MRPS27: variants seen among roughly 807,000 people sequenced by gnomAD.
MRPS27 encodes the protein mitochondrial ribosomal protein S27, also known as small ribosomal subunit protein mS27.
In MRPS27, 43 loss-of-function variants were observed where a neutral mutation model predicts 48.9. The observed-to-expected ratio is 0.88, with a 90% CI of 0.69 to 1.13. The LOEUF is 1.13. Ranked by LOEUF, MRPS27 falls within the 50% of genes most tolerant of loss-of-function variation. The pLI, the probability that MRPS27 is intolerant of heterozygous loss-of-function variation, is 0.00. For missense variants in MRPS27, 467 were observed against 476.3 expected, an observed-to-expected ratio of 0.98 and a Z score of 0.18; for synonymous variants, 188 against 171.9, an observed-to-expected ratio of 1.09 and a Z score of -0.73.
chr5:72,278,071 C>T (rs1580092265), intron 4 of MRPS27, among the ~76,000 whole-genome samples: 1 of 152,222 alleles, frequency 6.6e-6, no homozygotes, highest in African/African-American at 2.4e-5. Flanking sequence ...CACATGTATC[C>T]TGAAACTTAA....
chr5:72,314,293 C>A (rs1383504778), intron 1 of MRPS27, 135 bp from the exon 2 acceptor site: 6 of 522,102 alleles, frequency 1.1e-5, no homozygotes, highest in South Asian at 4.2e-5. Context: ...AGTACAGCAA[C>A]CAATATCGCA....
intron 4 of MRPS27, among the ~76,000 whole-genome samples, chr5:72,273,006 G>A (rs1197544920): frequency 6.6e-6 from 1 of 152,098 alleles, no homozygotes; most frequent in Non-Finnish European, 1.5e-5. Context: ...CTAAAACTGT[G>A]TATCTTGTGA....
At chr5:72,291,018 C>G (rs73127291) in intron 4 of MRPS27, among the ~76,000 whole-genome samples, 1 of 152,134 alleles carries the variant, frequency 6.6e-6, no homozygotes, top group South Asian at 2.1e-4. Flanking sequence ...ACCCTGCCAG[C>G]GCTGGTCTCC....
At chr5:72,225,214 C>CT (rs1747859461) in intron 9 of MRPS27, among the ~76,000 whole-genome samples, 1 of 152,180 alleles carries the variant, frequency 6.6e-6, no homozygotes, top group African/African-American at 2.4e-5. Context: ...TAATGATTCA[C>CT]TAGACATAAG....
At chr5:72,222,813 A>G (rs988936519) in intron 10 of MRPS27, among the ~76,000 whole-genome samples, 1 of 152,234 alleles carries the variant, frequency 6.6e-6, no homozygotes, top group African/African-American at 2.4e-5. Context: ...GACTTTACAG[A>G]AGTACTGGGA....
intron 1 of MRPS27, chr5:72,319,892 T>C: frequency 2.0e-6 from 1 of 503,358 alleles, no homozygotes; most frequent in Non-Finnish European, 3.6e-6. Context: ...AACACATAAA[T>C]CTGGCGAATC....
At chr5:72,246,912 C>T (rs2111976020) in intron 4 of MRPS27, among the ~76,000 whole-genome samples, 1 of 152,214 alleles carries the variant, frequency 6.6e-6, no homozygotes, top group South Asian at 2.1e-4. Context: ...TGTGGTTTCA[C>T]AAAGGTCTCT....
chr5:72,230,285 G>A (rs1208853782), intron 7 of MRPS27, among the ~76,000 whole-genome samples: 1 of 152,104 alleles, frequency 6.6e-6, no homozygotes, highest in East Asian at 1.9e-4. Context: ...TTTATGCTTT[G>A]CCTCTTCCAT....
At chr5:72,313,451 G>A (rs1182823102) in intron 2 of MRPS27, among the ~76,000 whole-genome samples, 1 of 152,134 alleles carries the variant, frequency 6.6e-6, no homozygotes, top group Admixed American at 6.5e-5. Flanking sequence ...AGGGCAGGCA[G>A]TACCAAAAGT....
intron 4 of MRPS27, among the ~76,000 whole-genome samples, chr5:72,251,096 A>T (rs1748652714): frequency 6.6e-6 from 1 of 152,232 alleles, no homozygotes; most frequent in African/African-American, 2.4e-5. Context: ...TCTAAGGGCC[A>T]CTGAGTTAAG....
At position 72,220,550 on chromosome 5, in the gene MRPS27, C is replaced by G. The variant is rs932990990; in HGVS notation, c.*359G>C. 5 of 192,702 alleles carry G rather than the reference C, an allele frequency of 2.6e-5. No homozygotes were observed. The highest frequency in any genetic ancestry group is 3.6e-4 in the South Asian group (2 of 5,624). 11.9% of individuals were successfully genotyped at this position (192,702 alleles called of 1,614,324 possible). ...AAACAAAAACAACAAAAAACAAAAG[C>G]CTGTGCTTCAACCTGACTCTTCAGC... is the stretch of plus-strand genomic sequence containing the variant. On this transcript the variant is annotated 3_prime_UTR_variant, in exon 11 of 11. Transcript: ENST00000261413.
intron 10 of MRPS27, 24 bp from the exon 11 acceptor site, chr5:72,221,172 T>C (rs1747730564): frequency 6.2e-7 from 1 of 1,610,870 alleles, no homozygotes. Flanking sequence ...ATGGGAAAAA[T>C]GAGAAGAAAG....
chr5:72,221,527 A>C (rs1023146973), intron 10 of MRPS27, among the ~76,000 whole-genome samples: 1 of 152,224 alleles, frequency 6.6e-6, no homozygotes, highest in Non-Finnish European at 1.5e-5. Flanking sequence ...AACCACAAAG[A>C]CAGCCAGCCT....
At chr5:72,273,314 TTTG>T (rs1749294696) in intron 4 of MRPS27, among the ~76,000 whole-genome samples, 1 of 152,230 alleles carries the variant, frequency 6.6e-6, no homozygotes, top group Admixed American at 6.5e-5. Flanking sequence ...TTTAAGTAAT[TTTG>T]TTTTTTAACA....
chr5:72,314,181 C>A (rs1036194752), intron 1 of MRPS27, 23 bp from the exon 2 acceptor site: 4 of 1,567,766 alleles, frequency 2.6e-6, no homozygotes, highest in Non-Finnish European at 3.5e-6. Flanking sequence ...GCAATTATTT[C>A]AACACACATG....
intron 4 of MRPS27, among the ~76,000 whole-genome samples, chr5:72,290,127 T>C (rs1412896021): frequency 1.3e-5 from 2 of 152,062 alleles, no homozygotes; most frequent in African/African-American, 2.4e-5. Context: ...CTCCTGAAAA[T>C]AGAGACATAG....
rs547601548 is a variant in MRPS27 at position 72,261,515 on chromosome 5, GA to G, written c.282-23388del. 2.3e-3 allele frequency among the ~76,000 whole-genome samples: 329 copies of G among 144,288 alleles called. 2 individuals are homozygous for G. The highest frequency in any genetic ancestry group is 3.6e-3 in the Non-Finnish European group (238 of 65,402). The allele number at this position is 144,288 out of a possible 152,430, so 94.7% of individuals were successfully genotyped here. ...AACCCCAGTTGCTATAGACTCACAG[GA>G]AAAAAAAAAACAAAAACTGTTACTG... On this transcript the variant is annotated intron_variant, in intron 4 of 10. Transcript: ENST00000261413.
At chr5:72,277,675 G>C (rs1158828634) in intron 4 of MRPS27, among the ~76,000 whole-genome samples, 1 of 152,052 alleles carries the variant, frequency 6.6e-6, no homozygotes, top group Non-Finnish European at 1.5e-5. Flanking sequence ...AATAGCAAAA[G>C]ACATGGATTC....
intron 4 of MRPS27, among the ~76,000 whole-genome samples, chr5:72,264,591 T>C (rs1031971599): frequency 3.3e-5 from 5 of 152,104 alleles, no homozygotes; most frequent in Non-Finnish European, 5.9e-5. Flanking sequence ...TCCAATACAA[T>C]TGACATCCTT....
Sources: allele counts gnomAD v4.1 joint callset (sites outside exome capture counted in the v4.1 genomes callset), GRCh38; gene constraint gnomAD v4.1.1; transcripts MANE v1.5; gene names NCBI Gene and HGNC (gene_info 2026-07-23, HGNC 2026-07-21).